Variants in NSMCE2 observed in about 807,000 individuals in gnomAD.
NSMCE2 encodes the protein E3 SUMO-protein ligase NSE2.
Under a neutral mutation model 23.8 loss-of-function variants are expected in NSMCE2, and 24 were observed. That is an observed-to-expected ratio of 1.01 (90% CI 0.73 to 1.42). The LOEUF is 1.42. Among genes scored for constraint, NSMCE2 ranks in the 40% most tolerant of loss-of-function variants. NSMCE2 has a pLI of 0.00. For missense variants in NSMCE2, 284 were observed against 296.5 expected (o/e 0.96, Z 0.31); for synonymous variants, 92 against 94.1 (o/e 0.98, Z 0.13).
chr8:125,154,147 C>T (rs944973112), intron 4 of NSMCE2, among the ~76,000 whole-genome samples: 1 of 152,062 alleles, frequency 6.6e-6, no homozygotes. Flanking sequence ...TAATATTTGC[C>T]TAGATTCAAA....
At chr8:125,313,853 A>G (rs1297624187) in intron 5 of NSMCE2, among the ~76,000 whole-genome samples, 2 of 152,220 alleles carry the variant, frequency 1.3e-5, no homozygotes, top group East Asian at 1.9e-4. Flanking sequence ...ACCCAAAATG[A>G]TAGATCTGAG....
At chr8:125,211,772 AC>A (rs746040470) in intron 5 of NSMCE2, among the ~76,000 whole-genome samples, 9 of 152,224 alleles carry the variant, frequency 5.9e-5, no homozygotes, top group Non-Finnish European at 1.2e-4. Flanking sequence ...GGTCTCTGCC[AC>A]TTGTATATCC....
intron 5 of NSMCE2, among the ~76,000 whole-genome samples, chr8:125,238,677 G>C (rs1292939263): frequency 6.6e-6 from 1 of 151,912 alleles, no homozygotes; most frequent in Non-Finnish European, 1.5e-5. Context: ...ACCCACAATA[G>C]TTCTCAATTT....
chr8:125,202,359 C>T (rs1353985354), intron 5 of NSMCE2, among the ~76,000 whole-genome samples: 1 of 152,078 alleles, frequency 6.6e-6, no homozygotes, highest in Non-Finnish European at 1.5e-5. Flanking sequence ...ACGGACCAGC[C>T]CTGGATAACT....
At chr8:125,309,815 C>T (rs1042366889) in intron 5 of NSMCE2, among the ~76,000 whole-genome samples, 5 of 152,176 alleles carry the variant, frequency 3.3e-5, no homozygotes, top group Non-Finnish European at 5.9e-5. Context: ...TTAGTAGCTT[C>T]AGTAGGTCTG....
intron 5 of NSMCE2, among the ~76,000 whole-genome samples, chr8:125,212,411 T>C (rs1430523236): frequency 6.6e-6 from 1 of 152,058 alleles, no homozygotes; most frequent in Non-Finnish European, 1.5e-5. Context: ...TATGACCTCC[T>C]AGAGCTGAGG....
chr8:125,334,782 T>C (rs1030286938), intron 5 of NSMCE2, among the ~76,000 whole-genome samples: 6 of 128,370 alleles, frequency 4.7e-5, no homozygotes, highest in African/African-American at 1.5e-4. Flanking sequence ...CTTTTTTTTT[T>C]TTTTTTTTTT....
At chr8:125,166,006 C>A (rs1321231153) in intron 4 of NSMCE2, among the ~76,000 whole-genome samples, 1 of 152,116 alleles carries the variant, frequency 6.6e-6, no homozygotes, top group Non-Finnish European at 1.5e-5. Flanking sequence ...TTAATAATTT[C>A]ATAATCTTTA....
chr8:125,349,458 T>C (rs1328929784), intron 5 of NSMCE2, among the ~76,000 whole-genome samples: 1 of 152,174 alleles, frequency 6.6e-6, no homozygotes, highest in East Asian at 1.9e-4. Flanking sequence ...AGGAAAATGT[T>C]CAGGCTTAGG....
intron 5 of NSMCE2, among the ~76,000 whole-genome samples, chr8:125,279,450 A>G (rs1827609434): frequency 6.6e-6 from 1 of 152,230 alleles, no homozygotes; most frequent in African/African-American, 2.4e-5. Context: ...GGGGTATGTT[A>G]CAATATGAGC....
chr8:125,284,409 G>A (rs1188947480), intron 5 of NSMCE2, among the ~76,000 whole-genome samples: 1 of 152,122 alleles, frequency 6.6e-6, no homozygotes, highest in Non-Finnish European at 1.5e-5. Context: ...TCACATGGGG[G>A]TTTGAGACTG....
chr8:125,191,741 T>C (rs1384143208), intron 5 of NSMCE2, among the ~76,000 whole-genome samples: 1 of 152,128 alleles, frequency 6.6e-6, no homozygotes, highest in African/African-American at 2.4e-5. Flanking sequence ...TAGAACAAAT[T>C]CCATGAAATT....
At chr8:125,237,842 A>G (rs148404903) in intron 5 of NSMCE2, among the ~76,000 whole-genome samples, 1 of 152,290 alleles carries the variant, frequency 6.6e-6, no homozygotes, top group African/African-American at 2.4e-5. Context: ...GTTTTGTGCC[A>G]TGTTTCCTTT....
chr8:125,144,212 G>C (rs528986647), intron 3 of NSMCE2, among the ~76,000 whole-genome samples: 2 of 152,182 alleles, frequency 1.3e-5, no homozygotes, highest in African/African-American at 4.8e-5. Flanking sequence ...ATTCTCTCCA[G>C]TGCATGCCTT....
chr8:125,259,935 G>A (rs185060310), intron 5 of NSMCE2, among the ~76,000 whole-genome samples: 20 of 152,306 alleles, frequency 1.3e-4, no homozygotes, highest in African/African-American at 4.8e-4. Context: ...GCTGGAAACT[G>A]CATTGGGCTC....
In NSMCE2 at chr8:125,244,909, G is replaced by A. The variant is rs114035769; in HGVS notation, c.418+62653G>A. On this transcript the variant is annotated intron_variant, in intron 5 of 7. Coordinates refer to ENST00000287437, the MANE Select transcript of NSMCE2 (RefSeq NM_173685.4). Reference sequence around the variant, plus strand: ...AATAACTACACACTGTACTTTGTATGCTACAGAAAGTAATTTACAAGATCA... The same window carrying A: ...AATAACTACACACTGTACTTTGTATACTACAGAAAGTAATTTACAAGATCA... 8.9e-3 allele frequency among the ~76,000 whole-genome samples: 1,348 copies of A among 152,260 alleles called. 19 individuals are homozygous for A. The highest frequency in any genetic ancestry group is 0.03 in the African/African-American group (1,238 of 41,534).
chr8:125,242,785 G>A (rs1481521054), intron 5 of NSMCE2, among the ~76,000 whole-genome samples: 1 of 152,142 alleles, frequency 6.6e-6, no homozygotes, highest in African/African-American at 2.4e-5. Context: ...CAGCACAAAC[G>A]CATACCCATG....
chr8:125,359,046 C>T (rs1190889383), intron 7 of NSMCE2, among the ~76,000 whole-genome samples: 1 of 151,822 alleles, frequency 6.6e-6, no homozygotes, highest in Admixed American at 6.6e-5. Flanking sequence ...GCGGGTGGAT[C>T]ACGAGGTCAG....
chr8:125,244,263 TAAAG>T (rs1825873111), intron 5 of NSMCE2, among the ~76,000 whole-genome samples: 1 of 151,934 alleles, frequency 6.6e-6, no homozygotes, highest in South Asian at 2.1e-4. Flanking sequence ...AAATACAGGA[TAAAG>T]AAAGTTCAAA....
Sources: gnomAD v4.1 joint callset for allele counts (sites outside exome capture counted in the v4.1 genomes callset) on GRCh38, gnomAD v4.1.1 for gene constraint, MANE v1.5 for transcripts, NCBI Gene and HGNC (gene_info 2026-07-23, HGNC 2026-07-21) for gene names.